CCDC102B: variants seen among roughly 807,000 people sequenced by gnomAD.
CCDC102B encodes coiled-coil domain-containing protein 102B.
A neutral mutation model predicts 57.4 loss-of-function variants in CCDC102B; 75 were observed. That is an observed-to-expected ratio of 1.31 (90% CI 1.08 to 1.58). The LOEUF (loss-of-function observed/expected upper bound fraction) is 1.58, where lower values mean the gene tolerates loss of function less well. Among genes scored for constraint, CCDC102B ranks in the 40% most tolerant of loss-of-function variants. The pLI, the probability that CCDC102B is intolerant of heterozygous loss-of-function variation, is 0.00. For missense variants in CCDC102B, 636 were observed against 582.6 expected (o/e 1.09, Z -0.94); for synonymous variants, 206 against 201.9 (o/e 1.02, Z -0.17).
At chr18:68,718,743 G>C (rs1479894741) in intron 2 of CCDC102B, among the ~76,000 whole-genome samples, 2 of 152,184 alleles carry the variant, frequency 1.3e-5, no homozygotes, top group East Asian at 3.9e-4. Flanking sequence ...ATTCTGATCA[G>C]TCCCTAGAGA....
At position 68,761,005 on chromosome 18, in the gene CCDC102B, C is replaced by A. The variant is rs577927698; in HGVS notation, c.-67+44411C>A. On this transcript the variant is annotated intron_variant, in intron 2 of 3. Transcript: ENST00000578970. The stretch of plus-strand genomic sequence containing the variant: ...CAAAGTAAAGGCATATTACTTATTT[C>A]TGACCAATGAATACTAGTAGAGATG... 1.2e-4 allele frequency among the ~76,000 whole-genome samples: 19 copies of A among 152,178 alleles called. No homozygotes were observed. In the East Asian group the frequency reaches 3.5e-3, roughly 28 times the overall value.
chr18:69,035,484 TA>T (rs1309333079), intron 7 of CCDC102B, among the ~76,000 whole-genome samples: 2 of 152,106 alleles, frequency 1.3e-5, no homozygotes, highest in Non-Finnish European at 2.9e-5. Context: ...AAAATTACGA[TA>T]ATCTAATAGT....
At chr18:68,905,941 C>T (rs1222954644) in intron 6 of CCDC102B, among the ~76,000 whole-genome samples, 1 of 151,546 alleles carries the variant, frequency 6.6e-6, no homozygotes, top group Admixed American at 6.6e-5. Flanking sequence ...CTACAGGCGC[C>T]CGCCACCACG....
intron 6 of CCDC102B, among the ~76,000 whole-genome samples, chr18:68,970,745 A>G (rs1599771593): frequency 6.6e-6 from 1 of 152,036 alleles, no homozygotes; most frequent in Non-Finnish European, 1.5e-5. Context: ...ATCCTTTTCA[A>G]ATAACATCGT....
intron 2 of CCDC102B, among the ~76,000 whole-genome samples, chr18:68,745,500 C>T (rs1047555897): frequency 1.3e-5 from 2 of 151,854 alleles, no homozygotes; most frequent in African/African-American, 4.8e-5. Context: ...TTATGAGATA[C>T]ATAGTGATGT....
intron 6 of CCDC102B, among the ~76,000 whole-genome samples, chr18:68,901,802 A>C (rs900673622): frequency 6.6e-6 from 1 of 152,036 alleles, no homozygotes; most frequent in Non-Finnish European, 1.5e-5. Context: ...CAAAGCTCTG[A>C]CCCTGAACTG....
At chr18:68,941,186 GTGACTT>G (rs2049371749) in intron 6 of CCDC102B, among the ~76,000 whole-genome samples, 2 of 150,902 alleles carry the variant, frequency 1.3e-5, no homozygotes, top group South Asian at 2.1e-4. Flanking sequence ...AGGAAAGTAT[GTGACTT>G]TTAATGAGAT....
chr18:68,769,817 T>C (rs1194353498), intron 2 of CCDC102B, among the ~76,000 whole-genome samples: 3 of 152,212 alleles, frequency 2.0e-5, no homozygotes, highest in African/African-American at 7.2e-5. Flanking sequence ...GGGAACAGAT[T>C]ATGTTGATCC....
At chr18:69,042,163 T>C (rs1367906964) in intron 7 of CCDC102B, among the ~76,000 whole-genome samples, 1 of 152,046 alleles carries the variant, frequency 6.6e-6, no homozygotes, top group Non-Finnish European at 1.5e-5. Flanking sequence ...GAAGTTCTCT[T>C]TTTCAAAAAT....
At chr18:68,800,593 T>A (rs1034072701) in intron 1 of CCDC102B, among the ~76,000 whole-genome samples, 22 of 152,102 alleles carry the variant, frequency 1.4e-4, no homozygotes, top group African/African-American at 5.3e-4. Flanking sequence ...CATCACTGAT[T>A]TGCACTGAAT....
At chr18:69,011,819 C>T (rs979843137) in intron 7 of CCDC102B, among the ~76,000 whole-genome samples, 2 of 151,508 alleles carry the variant, frequency 1.3e-5, no homozygotes, top group Non-Finnish European at 2.9e-5. Flanking sequence ...CCCATAGTTC[C>T]CTGGTTAGAA....
intron 6 of CCDC102B, among the ~76,000 whole-genome samples, chr18:68,914,340 G>A (rs1338163262): frequency 6.6e-6 from 1 of 152,146 alleles, no homozygotes; most frequent in Non-Finnish European, 1.5e-5. Flanking sequence ...GTGTGTGAGT[G>A]GCCCTGCAGT....
intron 4 of CCDC102B, among the ~76,000 whole-genome samples, chr18:68,847,001 T>G (rs967470900): frequency 6.6e-6 from 1 of 151,818 alleles, no homozygotes; most frequent in Non-Finnish European, 1.5e-5. Context: ...CCCATTTCGA[T>G]GATTTATTAC....
At chr18:68,894,881 TA>T (rs1436774907) in intron 5 of CCDC102B, among the ~76,000 whole-genome samples, 4 of 151,908 alleles carry the variant, frequency 2.6e-5, no homozygotes, top group Admixed American at 2.6e-4. Flanking sequence ...ATTACTTATT[TA>T]AAACCTTGGT....
chr18:68,874,200 GTGTGTGTGTGTGTATA>G (rs1003207523), intron 4 of CCDC102B, among the ~76,000 whole-genome samples: 9 of 125,230 alleles, frequency 7.2e-5, no homozygotes, highest in African/African-American at 2.2e-4. Flanking sequence ...GTGTGTGTGT[GTGTGTGTGTGTGTATA>G]TATATATACT....
At chr18:68,859,148 A>T (rs1163303606) in intron 4 of CCDC102B, 1 of 147,626 alleles carries the variant, frequency 6.8e-6, no homozygotes, top group Non-Finnish European at 1.5e-5. Flanking sequence ...ATAATGCCGC[A>T]TATCTACAAC....
intron 6 of CCDC102B, among the ~76,000 whole-genome samples, chr18:68,933,776 A>G (rs2041757226): frequency 6.6e-6 from 1 of 151,890 alleles, no homozygotes; most frequent in Non-Finnish European, 1.5e-5. Context: ...TGTAATTAGG[A>G]TGATTGCCAT....
intron 6 of CCDC102B, among the ~76,000 whole-genome samples, chr18:68,942,781 T>G (rs967901740): frequency 6.6e-6 from 1 of 151,654 alleles, no homozygotes; most frequent in Non-Finnish European, 1.5e-5. Flanking sequence ...CAAAGAGGCC[T>G]TCCTCTTTCA....
intron 5 of CCDC102B, among the ~76,000 whole-genome samples, chr18:68,879,773 T>C (rs537548281): frequency 1.3e-5 from 2 of 152,150 alleles, no homozygotes; most frequent in South Asian, 4.1e-4. Flanking sequence ...AGAGTGTCGA[T>C]TGGTGCATTC....
Sources: gnomAD v4.1 joint callset for allele counts (sites outside exome capture counted in the v4.1 genomes callset) on GRCh38, gnomAD v4.1.1 for gene constraint, MANE v1.5 for transcripts, NCBI Gene and HGNC (gene_info 2026-07-23, HGNC 2026-07-21) for gene names.